The following NEK7 variants were observed in gnomAD, a reference collection of about 807,000 sequenced individuals.
The protein encoded by NEK7 is serine/threonine-protein kinase Nek7.
NEK7 carries 18 observed loss-of-function variants against 44.6 expected under a neutral mutation model. That is an observed-to-expected ratio of 0.40 (90% CI 0.28 to 0.60). NEK7 has a LOEUF of 0.60. Among genes scored for constraint, NEK7 ranks in the 20% least tolerant of loss-of-function variants. The pLI is 0.38. For missense variants in NEK7, 256 were observed against 366.5 expected (o/e 0.70, Z 2.46); for synonymous variants, 130 against 121.1 (o/e 1.07, Z -0.48).
At chr1:198,210,741 CTTTTTTTTTTTTTT>C (rs140181207) in intron 1 of NEK7, among the ~76,000 whole-genome samples, 44 of 57,536 alleles carry the variant, frequency 7.6e-4, no homozygotes, top group Admixed American at 6.2e-3. Context: ...ATTTGTATTT[CTTTTTTTTTTTTTT>C]TTTTTTTTTT....
chr1:198,303,636 T>C (rs1335774063), intron 9 of NEK7, among the ~76,000 whole-genome samples: 2 of 152,126 alleles, frequency 1.3e-5, no homozygotes, highest in African/African-American at 2.4e-5. Flanking sequence ...AATAGATCTA[T>C]ATAAGTTTTC....
chr1:198,315,934 G>T (rs1208579070), intron 9 of NEK7, among the ~76,000 whole-genome samples: 1 of 152,184 alleles, frequency 6.6e-6, no homozygotes, highest in Non-Finnish European at 1.5e-5. Flanking sequence ...TCAGCATGTT[G>T]GTGGTTATTG....
At chr1:198,172,778 A>G (rs1462211544) in intron 1 of NEK7, among the ~76,000 whole-genome samples, 1 of 152,138 alleles carries the variant, frequency 6.6e-6, no homozygotes, top group Non-Finnish European at 1.5e-5. Context: ...GCTGAAGAGC[A>G]AAGGAGAAGA....
At chr1:198,237,939 A>G (rs769489511) in intron 2 of NEK7, among the ~76,000 whole-genome samples, 1 of 152,130 alleles carries the variant, frequency 6.6e-6, no homozygotes, top group Admixed American at 6.5e-5. Flanking sequence ...TTCTTCTCTT[A>G]GGGTATAAGC....
At chr1:198,234,022 G>A (rs1463864453) in intron 2 of NEK7, among the ~76,000 whole-genome samples, 23 of 150,364 alleles carry the variant, frequency 1.5e-4, no homozygotes, top group Non-Finnish European at 3.0e-4. Context: ...CTGGTATTCT[G>A]ATACTTTGGT....
At chr1:198,255,309 A>C (rs1653218665) in intron 3 of NEK7, among the ~76,000 whole-genome samples, 1 of 152,150 alleles carries the variant, frequency 6.6e-6, no homozygotes, top group South Asian at 2.1e-4. Flanking sequence ...GAATGGAGAG[A>C]ACATAGCTGC....
At chr1:198,318,224 C>T (rs967599852) in intron 9 of NEK7, among the ~76,000 whole-genome samples, 14 of 152,186 alleles carry the variant, frequency 9.2e-5, no homozygotes, top group African/African-American at 3.4e-4. Flanking sequence ...AAATGAACCT[C>T]CAGAGACAGT....
At chr1:198,294,154 T>C (rs1211384274) in intron 8 of NEK7, among the ~76,000 whole-genome samples, 1 of 151,992 alleles carries the variant, frequency 6.6e-6, no homozygotes, top group Non-Finnish European at 1.5e-5. Flanking sequence ...TCCTTCCTAC[T>C]AAAGTGACTA....
At chr1:198,292,139 T>A (rs1654578023) in intron 7 of NEK7, among the ~76,000 whole-genome samples, 1 of 152,108 alleles carries the variant, frequency 6.6e-6, no homozygotes, top group South Asian at 2.1e-4. Flanking sequence ...AAATTAAAGA[T>A]ACTCACTTTG....
Position 198,319,707 on chromosome 1 carries a change from A to G in NEK7, c.*185A>G. On this transcript the variant is annotated 3_prime_UTR_variant, in exon 10 of 10. Transcript: ENST00000367385. ...TAAATCACCTCCTTGCAACCCCCAAATGACTTTGGAATAACTGAATTGCAT... is the reference window on the plus strand; with the variant it reads ...TAAATCACCTCCTTGCAACCCCCAAGTGACTTTGGAATAACTGAATTGCAT... 2 of 510,468 alleles carry G rather than the reference A, an allele frequency of 3.9e-6. No individual in the cohort carries two copies. Among genetic ancestry groups the G allele is most frequent in the Non-Finnish European group, 6.3e-6 (2 of 319,146 alleles). 31.6% of individuals were successfully genotyped at this position (510,468 alleles called of 1,614,324 possible). A position where few individuals can be genotyped will look rare whatever the true frequency, so the allele number is the denominator to read the frequency against.
chr1:198,280,722 A>T (rs1654167712), intron 7 of NEK7, among the ~76,000 whole-genome samples: 1 of 148,714 alleles, frequency 6.7e-6, no homozygotes, highest in African/African-American at 2.4e-5. Flanking sequence ...AATTATATAT[A>T]TGTAATATAT....
intron 1 of NEK7, among the ~76,000 whole-genome samples, chr1:198,194,615 A>T (rs1665179505): frequency 6.6e-6 from 1 of 151,442 alleles, no homozygotes; most frequent in Non-Finnish European, 1.5e-5. Flanking sequence ...GTGGCCTCCA[A>T]CTCCATCCAT....
chr1:198,273,888 C>T (rs1653931525), intron 5 of NEK7, among the ~76,000 whole-genome samples: 1 of 151,504 alleles, frequency 6.6e-6, no homozygotes, highest in Admixed American at 6.6e-5. Context: ...GTGGTGGAGA[C>T]GTCATAGATC....
At chr1:198,211,732 C>T (rs779820568) in intron 1 of NEK7, among the ~76,000 whole-genome samples, 14 of 151,728 alleles carry the variant, frequency 9.2e-5, no homozygotes, top group Non-Finnish European at 1.3e-4. Flanking sequence ...GGCAAGATGG[C>T]GGACTGGAGG....
chr1:198,251,294 A>G (rs7540058), intron 2 of NEK7, among the ~76,000 whole-genome samples: 49,299 of 149,212 alleles, frequency 0.33, 9,334 homozygotes, highest in East Asian at 0.79. Context: ...TTTATTGAGG[A>G]TTTTTGCATC....
rs1655495921 is a variant in NEK7, at chr1:198,320,246, G to A, written c.*724G>A. 3.9e-5 allele frequency: 6 copies of A among 152,128 alleles called. No homozygotes were observed. The highest frequency in any genetic ancestry group is 3.9e-4 in the Admixed American group (6 of 15,278). 9.4% of individuals were successfully genotyped at this position (152,128 alleles called of 1,614,324 possible). ...TAAAAAGTGGTTAAGGATTTGTTTAGCTGGTGTGATAATAATTTTTAAAGT... is the reference window on the plus strand; with the variant it reads ...TAAAAAGTGGTTAAGGATTTGTTTAACTGGTGTGATAATAATTTTTAAAGT... On this transcript the variant is annotated 3_prime_UTR_variant, in exon 10 of 10. Coordinates refer to ENST00000367385, the MANE Select transcript of NEK7 (RefSeq NM_133494.3).
intron 9 of NEK7, among the ~76,000 whole-genome samples, chr1:198,298,323 A>G (rs563844863): frequency 6.6e-6 from 1 of 152,346 alleles, no homozygotes; most frequent in South Asian, 2.1e-4. Context: ...AACTTGAATA[A>G]TAAATATCTC....
At chr1:198,315,171 G>A (rs997488752) in intron 9 of NEK7, among the ~76,000 whole-genome samples, 2 of 152,332 alleles carry the variant, frequency 1.3e-5, no homozygotes, top group Admixed American at 1.3e-4. Flanking sequence ...GAAAAGCGCA[G>A]TATTCAGGTG....
At chr1:198,212,682 G>A (rs1445014051) in intron 1 of NEK7, among the ~76,000 whole-genome samples, 1 of 152,142 alleles carries the variant, frequency 6.6e-6, no homozygotes, top group Non-Finnish European at 1.5e-5. Context: ...GGGACATTTG[G>A]GAGCTCCATG....
Sources: allele counts gnomAD v4.1 joint callset (sites outside exome capture counted in the v4.1 genomes callset), GRCh38; gene constraint gnomAD v4.1.1; transcripts MANE v1.5; gene names NCBI Gene and HGNC (gene_info 2026-07-23, HGNC 2026-07-21).